IDNK: variants seen among roughly 807,000 people sequenced by gnomAD.
IDNK encodes the protein IDNK gluconokinase, also known as gluconokinase.
Under a neutral mutation model 13.0 loss-of-function variants are expected in IDNK, and 9 were observed. That is an observed-to-expected ratio of 0.69 (90% CI 0.42 to 1.21). The LOEUF (loss-of-function observed/expected upper bound fraction) is 1.21. Ranked by LOEUF, IDNK falls within the 50% of genes most tolerant of loss-of-function variation. The pLI is 0.00. For synonymous variants in IDNK, 92 were observed against 94.9 expected, an observed-to-expected ratio of 0.97 and a Z score of 0.18; for missense variants, 210 against 237.8, an observed-to-expected ratio of 0.88 and a Z score of 0.77.
rs777890451 is a variant in IDNK at position 83,628,922 on chromosome 9, G to C, written c.131G>C (p.Arg44Pro). Reference sequence around the variant, plus strand: ...GATGATTATCACCCGGAGGAAAATCGAAGGAAGATGGGAAAAGGCATACCG... The same window carrying C: ...GATGATTATCACCCGGAGGAAAATCCAAGGAAGATGGGAAAAGGCATACCG... ...DADDYHPEEN[R>P]RKMGKGIPLN... Residue 44 changes from arginine to proline, a missense_variant, in exon 3 of 5, where the codon CGA becomes CCA. Coordinates refer to ENST00000376419, the MANE Select transcript of IDNK (RefSeq NM_001001551.4). The C allele has an allele frequency of 5.0e-6, 8 of 1,614,062 alleles. No individual in the cohort carries two copies. In the East Asian group the frequency reaches 1.6e-4, roughly 31 times the overall value.
intron 1 of IDNK, among the ~76,000 whole-genome samples, chr9:83,625,316 T>C (rs1032112459): frequency 6.6e-6 from 1 of 152,074 alleles, no homozygotes; most frequent in Non-Finnish European, 1.5e-5. Context: ...AGAAGCTCAG[T>C]GTGGGATATG....
intron 3 of IDNK, among the ~76,000 whole-genome samples, chr9:83,641,174 G>A (rs778221483): frequency 6.6e-5 from 10 of 152,156 alleles, no homozygotes; most frequent in South Asian, 2.1e-4. Flanking sequence ...GACAGCTGAC[G>A]TAAGGGTTTA....
intron 3 of IDNK, among the ~76,000 whole-genome samples, chr9:83,631,470 A>AAAAAAAAAAG (rs1831013471): frequency 6.8e-6 from 1 of 148,112 alleles, no homozygotes; most frequent in Non-Finnish European, 1.5e-5. Flanking sequence ...AAAAAAAAAA[A>AAAAAAAAAAG]GGCTGGTGGT....
chr9:83,640,492 G>C (rs1831274164), intron 3 of IDNK, among the ~76,000 whole-genome samples: 1 of 152,170 alleles, frequency 6.6e-6, no homozygotes, highest in Non-Finnish European at 1.5e-5. Context: ...GGGATTATTT[G>C]GGATGTGGGA....
At position 83,644,029 on chromosome 9, in the gene IDNK, G is replaced by C. The variant is rs1831389948; in HGVS notation, c.*249G>C. Reference sequence around the variant, plus strand: ...CATCTATAACCAAATCAAATGATCAGAGGAAATTCTGTAATCAATGCTGGA... The same window carrying C: ...CATCTATAACCAAATCAAATGATCACAGGAAATTCTGTAATCAATGCTGGA... On this transcript the variant is annotated 3_prime_UTR_variant, in exon 5 of 5. Coordinates refer to ENST00000376419, the MANE Select transcript of IDNK (RefSeq NM_001001551.4). 2.5e-6 allele frequency: 1 copy of C among 408,096 alleles called. No individual in the cohort carries two copies. The highest frequency in any genetic ancestry group is 4.4e-6 in the Non-Finnish European group (1 of 225,004). 25.3% of individuals were successfully genotyped at this position (408,096 alleles called of 1,614,324 possible).
At position 83,643,746 on chromosome 9, in the gene IDNK, T is replaced by G; in HGVS notation, c.530T>G (p.Ile177Ser). 6.2e-7 allele frequency: 1 copy of G among 1,612,346 alleles called. No individual in the cohort carries two copies. Among genetic ancestry groups the G allele is most frequent in the Non-Finnish European group, 8.5e-7 (1 of 1,179,256 alleles). The stretch of plus-strand genomic sequence containing the variant: ...GTGGACAAAAATGTTTCAGAGATAA[T>G]TGCTACAATTATGGAAACCCTAAAA... ...ISVDKNVSEI[I>S]ATIMETLKMK is the part of the protein sequence containing the mutation. The change falls in exon 5 of 5, where the codon ATT becomes AGT. Residue 177 changes from isoleucine to serine, a missense_variant. Transcript: ENST00000376419.
chr9:83,638,940 TAGA>T (rs1270450037), intron 3 of IDNK, among the ~76,000 whole-genome samples: 2 of 152,164 alleles, frequency 1.3e-5, no homozygotes, highest in African/African-American at 4.8e-5. Context: ...AGTAAGAATA[TAGA>T]AGATTTGAAT....
chr9:83,630,530 A>C (rs1405101520), intron 3 of IDNK, among the ~76,000 whole-genome samples: 1 of 152,236 alleles, frequency 6.6e-6, no homozygotes, highest in Non-Finnish European at 1.5e-5. Context: ...GAAGTATTAA[A>C]TGAGATAATA....
chr9:83,640,366 T>C (rs1341346066), intron 3 of IDNK, among the ~76,000 whole-genome samples: 3 of 152,120 alleles, frequency 2.0e-5, no homozygotes, highest in South Asian at 4.1e-4. Context: ...TATAGGCCCA[T>C]CTCAAGTATA....
In IDNK at chr9:83,643,845, G is replaced by A. The variant is rs187856809; in HGVS notation, c.*65G>A. On this transcript the variant is annotated 3_prime_UTR_variant, in exon 5 of 5. Transcript: ENST00000376419. ...AAATCATTGTGCCATCCCAAACCTC[G>A]TTCCAGCCGCCTTGCCCATACTAGA... 1.1e-4 allele frequency: 130 copies of A among 1,233,382 alleles called. No individual in the cohort carries two copies. The African/African-American group carries it at 1.8e-3, about 17-fold the overall frequency. The allele number at this position is 1,233,382 out of a possible 1,614,324, so 76.4% of individuals were successfully genotyped here.
Position 83,640,850 on chromosome 9 carries a change from G to A in IDNK, c.169-698G>A, listed in dbSNP as rs11140191. On this transcript the variant is annotated intron_variant, in intron 3 of 4. Transcript: ENST00000376419. Reference sequence around the variant, plus strand: ...ACAAGAGTGAAACTCCATCTCAAAAGAAAATTGCTGAAGCTGGGTATTGGT... The same window carrying A: ...ACAAGAGTGAAACTCCATCTCAAAAAAAAATTGCTGAAGCTGGGTATTGGT... Among the ~76,000 whole-genome samples the A allele has an allele frequency of 8.3e-3, 1,270 of 152,332 alleles. 36 individuals are homozygous for A. Among genetic ancestry groups the A allele is most frequent in the East Asian group, 0.046 (239 of 5,184 alleles).
At chr9:83,639,865 A>G (rs1411790421) in intron 3 of IDNK, among the ~76,000 whole-genome samples, 1 of 152,244 alleles carries the variant, frequency 6.6e-6, no homozygotes, top group Non-Finnish European at 1.5e-5. Context: ...AAGGTGATAA[A>G]AAGTGACTAT....
chr9:83,639,416 C>T (rs1266897305), intron 3 of IDNK, among the ~76,000 whole-genome samples: 1 of 152,228 alleles, frequency 6.6e-6, no homozygotes, highest in East Asian at 1.9e-4. Flanking sequence ...CAGGAAATAA[C>T]AGAAATGAAT....
chr9:83,632,079 C>T (rs1421922908), intron 3 of IDNK, among the ~76,000 whole-genome samples: 2 of 152,056 alleles, frequency 1.3e-5, no homozygotes, highest in Non-Finnish European at 2.9e-5. Context: ...CACCCTTGGT[C>T]TCATCTTCCA....
intron 3 of IDNK, among the ~76,000 whole-genome samples, chr9:83,640,100 A>G (rs779423383): frequency 2.0e-5 from 3 of 152,220 alleles, no homozygotes; most frequent in African/African-American, 7.2e-5. Flanking sequence ...TAAATGTTGT[A>G]GCTACCAAAA....
chr9:83,628,941 C>T lies in IDNK; in HGVS notation c.150C>T (p.Gly50=), dbSNP rs1830936915. The T allele has an allele frequency of 6.2e-7, 1 of 1,613,504 alleles. No homozygotes were observed. Among genetic ancestry groups the T allele is most frequent in the South Asian group, 1.1e-5 (1 of 91,066 alleles). Residue 50 remains glycine, a synonymous_variant, in exon 3 of 5, where the codon GGC becomes GGT. Transcript: ENST00000376419. ...AAAATCGAAGGAAGATGGGAAAAGG[C>T]ATACCGCTCAATGACCAGGTAACAA... ...PEENRRKMGK[G]IPLNDQDRIP...
intron 1 of IDNK, among the ~76,000 whole-genome samples, chr9:83,623,756 C>G (rs1830770090): frequency 6.6e-6 from 1 of 152,196 alleles, no homozygotes; most frequent in Non-Finnish European, 1.5e-5. Flanking sequence ...TGGAAGGAGA[C>G]AGCGTTAATA....
chr9:83,631,765 T>C (rs959467157), intron 3 of IDNK, among the ~76,000 whole-genome samples: 1 of 152,140 alleles, frequency 6.6e-6, no homozygotes. Context: ...GAAAGCTGTG[T>C]TGGACAGTGC....
intron 4 of IDNK, among the ~76,000 whole-genome samples, chr9:83,642,947 A>G (rs1831352952): frequency 6.6e-6 from 1 of 152,076 alleles, no homozygotes; most frequent in Non-Finnish European, 1.5e-5. Flanking sequence ...CAGACACTGT[A>G]GAGTAGGAAT....
Sources: gnomAD v4.1 joint callset for allele counts (sites outside exome capture counted in the v4.1 genomes callset) on GRCh38, gnomAD v4.1.1 for gene constraint, MANE v1.5 for transcripts, NCBI Gene and HGNC (gene_info 2026-07-23, HGNC 2026-07-21) for gene names.